Variants in MACROD2 observed in about 807,000 individuals in gnomAD.
MACROD2 encodes mono-ADP ribosylhydrolase 2, also known as ADP-ribose glycohydrolase MACROD2.
MACROD2 carries 36 observed loss-of-function variants against 70.4 expected under a neutral mutation model. That is an observed-to-expected ratio of 0.51 (90% CI 0.39 to 0.68). The LOEUF (loss-of-function observed/expected upper bound fraction) is 0.68, where lower values mean the gene tolerates loss of function less well. Among genes scored for constraint, MACROD2 ranks in the 30% least tolerant of loss-of-function variants. The pLI is 0.00. For missense variants in MACROD2, 496 were observed against 538.4 expected, an observed-to-expected ratio of 0.92 and a Z score of 0.78; for synonymous variants, 172 against 178.8, an observed-to-expected ratio of 0.96 and a Z score of 0.30.
At position 15,769,765 on chromosome 20, in the gene MACROD2, C is replaced by A. The variant is rs1465178285; in HGVS notation, c.646-92980C>A. Reference sequence around the variant, plus strand: ...GTTATTATGAAAACTAACACTGAATCTCCATATTTACTTCTCTTCGAAGAG... The same window carrying A: ...GTTATTATGAAAACTAACACTGAATATCCATATTTACTTCTCTTCGAAGAG... On this transcript the variant is annotated intron_variant, in intron 8 of 17. Coordinates refer to ENST00000684519, the MANE Select transcript of MACROD2 (RefSeq NM_001351661.2). 2.0e-5 allele frequency among the ~76,000 whole-genome samples: 3 copies of A among 152,174 alleles called. No individual in the cohort carries two copies. The East Asian group carries it at 5.8e-4, about 29-fold the overall frequency.
intron 8 of MACROD2, among the ~76,000 whole-genome samples, chr20:15,808,870 G>A (rs1168601950): frequency 6.6e-6 from 1 of 152,140 alleles, no homozygotes; most frequent in Non-Finnish European, 1.5e-5. Context: ...CAGAGTCGTT[G>A]AACAAACAGT....
At chr20:15,391,576 C>A (rs2045792524) in intron 6 of MACROD2, among the ~76,000 whole-genome samples, 1 of 152,168 alleles carries the variant, frequency 6.6e-6, no homozygotes, top group Admixed American at 6.5e-5. Flanking sequence ...TTTCTGCCAG[C>A]CATGGGGTTG....
At chr20:15,550,793 T>G (rs2146586531) in intron 8 of MACROD2, among the ~76,000 whole-genome samples, 1 of 152,282 alleles carries the variant, frequency 6.6e-6, no homozygotes, top group African/African-American at 2.4e-5. Flanking sequence ...TCTCCTTTAT[T>G]CCTCTCAACA....
intron 5 of MACROD2, among the ~76,000 whole-genome samples, chr20:15,194,110 A>G (rs2076589481): frequency 6.6e-6 from 1 of 151,568 alleles, no homozygotes; most frequent in South Asian, 2.1e-4. Context: ...GCCAGGCATG[A>G]TGGTGGGTGC....
intron 3 of MACROD2, among the ~76,000 whole-genome samples, chr20:14,186,360 A>G (rs2081344009): frequency 6.6e-6 from 1 of 151,818 alleles, no homozygotes; most frequent in African/African-American, 2.4e-5. Flanking sequence ...AAAAATGCTC[A>G]ACATCACTAA....
rs191093915 is a variant in MACROD2, at chr20:14,389,385, G to A, written c.272-104094G>A. On this transcript the variant is annotated intron_variant, in intron 3 of 17. Transcript: ENST00000684519. The stretch of plus-strand genomic sequence containing the variant: ...TGCAGTAAGCTGAGATTGCGCCACT[G>A]CACTCTGACCTGGGCGACAGGGCGA... Among the ~76,000 whole-genome samples the A allele has an allele frequency of 7.0e-3, 912 of 130,380 alleles. 14 individuals are homozygous for A. The highest frequency in any genetic ancestry group is 0.027 in the African/African-American group (890 of 33,552). The allele number at this position is 130,380 out of a possible 152,430, so 85.5% of individuals were successfully genotyped here.
At chr20:14,139,613 ACTC>A (rs2054843458) in intron 3 of MACROD2, among the ~76,000 whole-genome samples, 1 of 152,170 alleles carries the variant, frequency 6.6e-6, no homozygotes, top group Non-Finnish European at 1.5e-5. Flanking sequence ...TAATTTCAAT[ACTC>A]CTGTAAAGTT....
At chr20:15,560,251 A>G (rs969530286) in intron 8 of MACROD2, among the ~76,000 whole-genome samples, 6 of 152,254 alleles carry the variant, frequency 3.9e-5, no homozygotes, top group African/African-American at 9.6e-5. Context: ...CATCTCTACC[A>G]GTTAACTACC....
At chr20:15,224,286 A>G (rs2076886335) in intron 5 of MACROD2, among the ~76,000 whole-genome samples, 1 of 152,266 alleles carries the variant, frequency 6.6e-6, no homozygotes, top group Non-Finnish European at 1.5e-5. Context: ...TCTAACCACA[A>G]AGCTAACCAG....
intron 8 of MACROD2, among the ~76,000 whole-genome samples, chr20:15,815,098 ACT>A (rs2063859589): frequency 1.3e-5 from 2 of 152,110 alleles, no homozygotes; most frequent in South Asian, 4.1e-4. Context: ...AAAATCAGTC[ACT>A]CTGGATGCCT....
intron 4 of MACROD2, among the ~76,000 whole-genome samples, chr20:14,641,059 A>G (rs1013387303): frequency 1.3e-5 from 2 of 152,352 alleles, no homozygotes; most frequent in African/African-American, 4.8e-5. Context: ...AATTTGTATC[A>G]GTCCTCTCAA....
At chr20:16,048,663 C>A (rs1413868657) in intron 17 of MACROD2, among the ~76,000 whole-genome samples, 3 of 152,140 alleles carry the variant, frequency 2.0e-5, no homozygotes, top group Non-Finnish European at 4.4e-5. Flanking sequence ...AAAGTTAACA[C>A]CACCAAATGT....
At chr20:15,224,242 C>T (rs758331535) in intron 5 of MACROD2, among the ~76,000 whole-genome samples, 3 of 152,204 alleles carry the variant, frequency 2.0e-5, no homozygotes, top group Non-Finnish European at 4.4e-5. Flanking sequence ...TAAACCACCA[C>T]GTTTTGTGGT....
At chr20:14,054,903 A>C (rs185023373) in intron 2 of MACROD2, among the ~76,000 whole-genome samples, 24 of 152,202 alleles carry the variant, frequency 1.6e-4, no homozygotes, top group Admixed American at 5.9e-4. Flanking sequence ...GCACTTTCTC[A>C]AAGTTCAGGT....
At chr20:14,807,122 C>T (rs1283924896) in intron 5 of MACROD2, among the ~76,000 whole-genome samples, 1 of 152,126 alleles carries the variant, frequency 6.6e-6, no homozygotes, top group Non-Finnish European at 1.5e-5. Flanking sequence ...CAAGTGTGTC[C>T]CTGTCCCCTG....
chr20:14,535,871 T>C (rs967538731), intron 4 of MACROD2, among the ~76,000 whole-genome samples: 1 of 152,218 alleles, frequency 6.6e-6, no homozygotes, highest in South Asian at 2.1e-4. Context: ...TCACTAGTTC[T>C]TCAAGTATAT....
intron 10 of MACROD2, among the ~76,000 whole-genome samples, chr20:15,890,489 C>A (rs1479436219): frequency 2.6e-5 from 4 of 152,168 alleles, no homozygotes; most frequent in African/African-American, 9.7e-5. Flanking sequence ...AGTATTTGCA[C>A]TCGGTGAGCT....
chr20:14,583,555 TC>T (rs1981182255), intron 4 of MACROD2, among the ~76,000 whole-genome samples: 1 of 152,176 alleles, frequency 6.6e-6, no homozygotes, highest in African/African-American at 2.4e-5. Context: ...ACAACTGATG[TC>T]CAGGTTCTTG....
chr20:14,131,721 C>A (rs1226407593), intron 3 of MACROD2, among the ~76,000 whole-genome samples: 1 of 152,096 alleles, frequency 6.6e-6, no homozygotes, highest in Non-Finnish European at 1.5e-5. Context: ...TGTCCTTTGG[C>A]TTTTTTAATT....
Sources: allele counts gnomAD v4.1 joint callset (sites outside exome capture counted in the v4.1 genomes callset), GRCh38; gene constraint gnomAD v4.1.1; transcripts MANE v1.5; gene names NCBI Gene and HGNC (gene_info 2026-07-23, HGNC 2026-07-21).